The following PPP2R2C variants were observed in gnomAD, a reference collection of about 807,000 sequenced individuals.
PPP2R2C encodes the protein protein phosphatase 2 regulatory subunit Bgamma.
Under a neutral mutation model 45.3 loss-of-function variants are expected in PPP2R2C, and 10 were observed. The ratio of observed to expected loss-of-function variants is 0.22; its 90% CI spans 0.14 to 0.37. The LOEUF (loss-of-function observed/expected upper bound fraction) is 0.37. Among genes scored for constraint, PPP2R2C ranks in the 10% least tolerant of loss-of-function variants. PPP2R2C has a pLI of 1.00. For synonymous variants in PPP2R2C, 257 were observed against 245.4 expected (o/e 1.05, Z -0.44); for missense variants, 308 against 619.7 (o/e 0.50, Z 5.34).
chr4:6,540,707 C>A (rs961876392), intron 1 of PPP2R2C, among the ~76,000 whole-genome samples: 1 of 152,194 alleles, frequency 6.6e-6, no homozygotes, highest in African/African-American at 2.4e-5. Context: ...CATAAGGGCT[C>A]CACACATGTG....
intron 1 of PPP2R2C, among the ~76,000 whole-genome samples, chr4:6,442,914 A>G (rs1720223268): frequency 6.6e-6 from 1 of 152,228 alleles, no homozygotes; most frequent in Non-Finnish European, 1.5e-5. Flanking sequence ...GGGTCCCACA[A>G]GTCGCCCAAG....
intron 1 of PPP2R2C, among the ~76,000 whole-genome samples, chr4:6,394,945 T>A (rs1716919073): frequency 1.3e-5 from 2 of 152,092 alleles, no homozygotes; most frequent in African/African-American, 4.8e-5. Flanking sequence ...TGGCCATAAT[T>A]CCCTGAGCTG....
intron 1 of PPP2R2C, among the ~76,000 whole-genome samples, chr4:6,405,111 G>A (rs115654997): frequency 0.014 from 2,091 of 152,346 alleles, 25 homozygotes; most frequent in Non-Finnish European, 0.022. Flanking sequence ...CCCTGTGCCC[G>A]ACAGTGTGTG....
chr4:6,495,203 G>A (rs1722839139), intron 2 of PPP2R2C, among the ~76,000 whole-genome samples: 1 of 152,222 alleles, frequency 6.6e-6, no homozygotes, highest in African/African-American at 2.4e-5. Flanking sequence ...CACACAGCCT[G>A]GTCCACTCTG....
rs1577072653 is a variant in PPP2R2C, at chr4:6,333,559, C to T, written c.960+3G>A. 6.2e-7 allele frequency: 1 copy of T among 1,612,454 alleles called. No individual in the cohort carries two copies. Among genetic ancestry groups the T allele is most frequent in the Non-Finnish European group, 8.5e-7 (1 of 1,178,722 alleles). On this transcript the variant is annotated splice_donor_region_variant and intron_variant, in intron 7 of 8. Transcript: ENST00000382599. ...ATTGGGGGTCTCCTGCTGTGGTGCC[C>T]ACCTGGTAGGTCTCTATGGGTCTTG...
chr4:6,499,635 CAGG>C (rs1406118015), intron 2 of PPP2R2C, among the ~76,000 whole-genome samples: 9 of 152,018 alleles, frequency 5.9e-5, no homozygotes, highest in African/African-American at 2.2e-4. Context: ...TTTTATAAAG[CAGG>C]AGGAGATGAT....
chr4:6,493,782 C>T lies in PPP2R2C; in HGVS notation c.49+41489G>A, dbSNP rs1052451996. Among the ~76,000 whole-genome samples the T allele has an allele frequency of 4.6e-5, 7 of 152,030 alleles. No individual in the cohort carries two copies. The East Asian group carries it at 7.7e-4, about 17-fold the overall frequency. On this transcript the variant is annotated intron_variant, in intron 2 of 9. Coordinates refer to the PPP2R2C transcript ENST00000506140. The stretch of plus-strand genomic sequence containing the variant: ...GTCTTCTGGTTTGCATTTAAATCCA[C>T]GCCCAGCCCCCACCCTGATTAATGG...
At chr4:6,507,520 G>A (rs757648615) in intron 2 of PPP2R2C, among the ~76,000 whole-genome samples, 1 of 152,242 alleles carries the variant, frequency 6.6e-6, no homozygotes, top group Non-Finnish European at 1.5e-5. Flanking sequence ...TATGTGTGGA[G>A]TGAGAGGCCG....
chr4:6,512,578 A>G (rs866885869), intron 2 of PPP2R2C, among the ~76,000 whole-genome samples: 5,070 of 44,234 alleles, frequency 0.11, 609 homozygotes, highest in African/African-American at 0.35. Flanking sequence ...GGTGATGGTG[A>G]TGGTGGTGAT....
chr4:6,509,936 G>A (rs1044518762), intron 2 of PPP2R2C, among the ~76,000 whole-genome samples: 1 of 152,266 alleles, frequency 6.6e-6, no homozygotes, highest in East Asian at 1.9e-4. Context: ...CACCCTCCAC[G>A]TGTAACTGAT....
chr4:6,469,639 G>A (rs571179919), intron 1 of PPP2R2C, among the ~76,000 whole-genome samples: 55 of 152,336 alleles, frequency 3.6e-4, no homozygotes, highest in Non-Finnish European at 6.2e-4. Context: ...TTTACAAAGG[G>A]AAAGTGAAGC....
At chr4:6,507,511 A>C (rs75491619) in intron 2 of PPP2R2C, among the ~76,000 whole-genome samples, 1 of 152,206 alleles carries the variant, frequency 6.6e-6, no homozygotes, top group African/African-American at 2.4e-5. Flanking sequence ...TAGACTCTCT[A>C]TGTGTGGAGT....
At chr4:6,457,322 T>C (rs1439264059) in intron 1 of PPP2R2C, among the ~76,000 whole-genome samples, 1 of 152,138 alleles carries the variant, frequency 6.6e-6, no homozygotes, top group East Asian at 1.9e-4. Context: ...TGTCAAGACA[T>C]TAAAAAGTCT....
intron 2 of PPP2R2C, among the ~76,000 whole-genome samples, chr4:6,534,016 AC>A (rs1027255638): frequency 2.1e-5 from 3 of 142,736 alleles, no homozygotes; most frequent in Non-Finnish European, 3.2e-5. Flanking sequence ...ATATACACAC[AC>A]CCCAACACAC....
intron 1 of PPP2R2C, chr4:6,414,116 GTGTGTGTA>G: frequency 1.8e-6 from 2 of 1,111,504 alleles, no homozygotes; most frequent in African/African-American, 1.6e-5. Flanking sequence ...GTGTGTGTGT[GTGTGTGTA>G]CAGGTAAATA....
chr4:6,388,440 T>TA (rs1716378547), intron 1 of PPP2R2C, among the ~76,000 whole-genome samples: 1 of 152,114 alleles, frequency 6.6e-6, no homozygotes, highest in African/African-American at 2.4e-5. Context: ...TATTTGGAAA[T>TA]AGAGTCTTTG....
At chr4:6,406,074 C>T (rs7377185) in intron 1 of PPP2R2C, among the ~76,000 whole-genome samples, 40,799 of 152,076 alleles carry the variant, frequency 0.27, 6,799 homozygotes, top group African/African-American at 0.43. Context: ...TTATTAAGTG[C>T]TCATGTTGAG....
intron 1 of PPP2R2C, chr4:6,384,834 G>C: frequency 1.0e-6 from 1 of 985,468 alleles, no homozygotes; most frequent in Non-Finnish European, 1.2e-6. Context: ...CTCCATGAGA[G>C]ACTACGCCAT....
At chr4:6,418,301 C>T (rs1718730433) in intron 1 of PPP2R2C, among the ~76,000 whole-genome samples, 1 of 152,060 alleles carries the variant, frequency 6.6e-6, no homozygotes, top group Admixed American at 6.5e-5. Flanking sequence ...CTGGTCACCC[C>T]ATCCTCAGGA....
Sources: allele counts gnomAD v4.1 joint callset (sites outside exome capture counted in the v4.1 genomes callset), GRCh38; gene constraint gnomAD v4.1.1; transcripts MANE v1.5; gene names NCBI Gene and HGNC (gene_info 2026-07-23, HGNC 2026-07-21).